The following ARPC1A variants were observed in gnomAD, a reference collection of about 807,000 sequenced individuals.
The protein encoded by ARPC1A is actin-related protein 2/3 complex subunit 1A.
Under a neutral mutation model 46.9 loss-of-function variants are expected in ARPC1A, and 8 were observed. The observed-to-expected ratio is 0.17, with a 90% CI of 0.10 to 0.31. ARPC1A has a LOEUF of 0.31. Ranked by LOEUF, ARPC1A falls within the 10% of genes least tolerant of loss-of-function variation. ARPC1A has a pLI of 1.00. For synonymous variants in ARPC1A, 152 were observed against 169.0 expected (o/e 0.90, Z 0.78); for missense variants, 286 against 483.6 (o/e 0.59, Z 3.83).
intron 3 of ARPC1A, among the ~76,000 whole-genome samples, chr7:99,338,912 G>A (rs17161680): frequency 0.021 from 3,150 of 152,156 alleles, 109 homozygotes; most frequent in African/African-American, 0.069. Flanking sequence ...ACACGAAAAC[G>A]TGCGCCAAAC....
At chr7:99,342,957 C>T (rs1220471672) in intron 3 of ARPC1A, among the ~76,000 whole-genome samples, 1 of 151,878 alleles carries the variant, frequency 6.6e-6, no homozygotes, top group Admixed American at 6.6e-5. Context: ...CTCCTAACCT[C>T]GTGATCCGCC....
intron 3 of ARPC1A, among the ~76,000 whole-genome samples, chr7:99,343,160 A>G (rs1227712262): frequency 2.0e-5 from 3 of 152,136 alleles, no homozygotes; most frequent in African/African-American, 4.8e-5. Flanking sequence ...ATGTGAAATT[A>G]TATTTATAGA....
intron 8 of ARPC1A, among the ~76,000 whole-genome samples, chr7:99,362,800 T>G (rs1296943821): frequency 6.6e-6 from 1 of 152,042 alleles, no homozygotes; most frequent in African/African-American, 2.4e-5. Flanking sequence ...TGGATGATTG[T>G]CTTGAAAGCT....
chr7:99,325,956 A>G lies in ARPC1A; in HGVS notation c.-78A>G, dbSNP rs1044407621. The G allele has an allele frequency of 6.6e-6, 1 of 152,498 alleles. No homozygotes were observed. Among genetic ancestry groups the G allele is most frequent in the South Asian group, 2.1e-4 (1 of 4,834 alleles). The allele number at this position is 152,498 out of a possible 1,614,324, so 9.4% of individuals were successfully genotyped here. A position where few individuals can be genotyped will look rare whatever the true frequency, so the allele number is the denominator to read the frequency against. On this transcript the variant is annotated 5_prime_UTR_variant, in exon 1 of 10. Coordinates refer to ENST00000262942, the MANE Select transcript of ARPC1A (RefSeq NM_006409.4). ...GAGCCTGTTCGCGTCGACTGCCCAG[A>G]GTCCGCGAATCCTCCGCTCCGAGCC...
At chr7:99,356,854 T>C (rs1418433167) in intron 6 of ARPC1A, among the ~76,000 whole-genome samples, 2 of 151,800 alleles carry the variant, frequency 1.3e-5, no homozygotes, top group African/African-American at 4.8e-5. Flanking sequence ...GAGCCGAGAT[T>C]GCGCCACTGC....
In ARPC1A at chr7:99,366,124, T is replaced by C. The variant is rs1793837050; in HGVS notation, c.*195T>C. ...GGCAGTAATTTTTTTGTTTGTTTTT[T>C]TGCGATTTCATTCCATTCTTGACCA... On this transcript the variant is annotated 3_prime_UTR_variant, in exon 10 of 10. Coordinates refer to ENST00000262942, the MANE Select transcript of ARPC1A (RefSeq NM_006409.4). 2 of 656,092 alleles carry C rather than the reference T, an allele frequency of 3.0e-6. No individual in the cohort carries two copies. Among genetic ancestry groups the C allele is most frequent in the Admixed American group, 3.1e-5 (1 of 31,810 alleles). 40.6% of individuals were successfully genotyped at this position (656,092 alleles called of 1,614,324 possible).
At chr7:99,327,031 G>A (rs1318871495) in intron 1 of ARPC1A, among the ~76,000 whole-genome samples, 1 of 152,146 alleles carries the variant, frequency 6.6e-6, no homozygotes, top group Non-Finnish European at 1.5e-5. Flanking sequence ...AGCTTAAATT[G>A]CCGAGATTAT....
chr7:99,354,520 CAAAAAAAAAAAA>C (rs149604532), intron 6 of ARPC1A, among the ~76,000 whole-genome samples: 1 of 55,828 alleles, frequency 1.8e-5, no homozygotes, highest in Non-Finnish European at 4.2e-5. Flanking sequence ...GACTCCGTCT[CAAAAAAAAAAAA>C]AAAAAAAAAA....
At chr7:99,329,157 C>G (rs1449790935) in intron 1 of ARPC1A, among the ~76,000 whole-genome samples, 1 of 151,498 alleles carries the variant, frequency 6.6e-6, no homozygotes, top group South Asian at 2.1e-4. Flanking sequence ...AAAAATTGGC[C>G]GGGTGTGGTG....
rs1172071932 is a variant in ARPC1A, at chr7:99,344,920, C to CTTTT, written c.392+431_392+434dup. 1.6e-3 allele frequency among the ~76,000 whole-genome samples: 32 copies of CTTTT among 20,108 alleles called. 8 individuals carry two copies. The highest frequency in any genetic ancestry group is 2.6e-3 in the African/African-American group (12 of 4,574). The allele number at this position is 20,108 out of a possible 152,430, so 13.2% of individuals were successfully genotyped here. A position where few individuals can be genotyped will look rare whatever the true frequency, so the allele number is the denominator to read the frequency against. ...TAGGATTCCTACAGATAACAATGTTCTTTTTTTTTTTTTTTTTTTTTTTTT... is the reference window on the plus strand; with the variant it reads ...TAGGATTCCTACAGATAACAATGTTCTTTTTTTTTTTTTTTTTTTTTTTTTTTTT... On this transcript the variant is annotated intron_variant, in intron 4 of 9. Coordinates refer to ENST00000262942, the MANE Select transcript of ARPC1A (RefSeq NM_006409.4).
At chr7:99,353,796 T>TA in intron 5 of ARPC1A, 113 bp from the exon 6 acceptor site, 1 of 1,076,864 alleles carries the variant, frequency 9.3e-7, no homozygotes, top group Non-Finnish European at 1.3e-6. Context: ...TATTTTTTTT[T>TA]AATGAGTCAA....
chr7:99,350,299 A>C (rs1378351019), intron 5 of ARPC1A, among the ~76,000 whole-genome samples: 2 of 152,156 alleles, frequency 1.3e-5, no homozygotes. Context: ...CTTTCTTGAC[A>C]ACAGTATTTT....
chr7:99,340,267 A>G (rs1270160719), intron 3 of ARPC1A, among the ~76,000 whole-genome samples: 1 of 151,960 alleles, frequency 6.6e-6, no homozygotes, highest in Non-Finnish European at 1.5e-5. Context: ...GGTTCAAGCA[A>G]TTCTCCCGCC....
At chr7:99,347,754 G>A (rs1474015880) in intron 4 of ARPC1A, among the ~76,000 whole-genome samples, 6 of 151,340 alleles carry the variant, frequency 4.0e-5, no homozygotes, top group African/African-American at 1.5e-4. Context: ...GCTTGACCCC[G>A]GGAGGTGGAG....
intron 8 of ARPC1A, among the ~76,000 whole-genome samples, chr7:99,363,304 G>C (rs1210314213): frequency 6.6e-6 from 1 of 152,210 alleles, no homozygotes; most frequent in East Asian, 1.9e-4. Context: ...TCCTGGTGGA[G>C]CGTGGTGGCT....
chr7:99,328,962 CAGAG>C (rs563805964), intron 1 of ARPC1A, among the ~76,000 whole-genome samples: 6 of 143,344 alleles, frequency 4.2e-5, no homozygotes, highest in Admixed American at 1.4e-4. Flanking sequence ...GAAAAAAACT[CAGAG>C]AGAGAGAAAA....
chr7:99,354,714 G>A (rs973637260), intron 6 of ARPC1A, among the ~76,000 whole-genome samples: 1 of 151,896 alleles, frequency 6.6e-6, no homozygotes, highest in Non-Finnish European at 1.5e-5. Flanking sequence ...GCTGGGCACA[G>A]TGGCTCACAC....
At chr7:99,331,250 C>T (rs1358960063) in intron 1 of ARPC1A, among the ~76,000 whole-genome samples, 1 of 151,988 alleles carries the variant, frequency 6.6e-6, no homozygotes, top group Non-Finnish European at 1.5e-5. Flanking sequence ...CAAAAATTAC[C>T]TGGGCTTGGT....
intron 1 of ARPC1A, among the ~76,000 whole-genome samples, chr7:99,331,042 CTT>C (rs1191848928): frequency 6.6e-6 from 1 of 152,236 alleles, no homozygotes; most frequent in African/African-American, 2.4e-5. Context: ...CCTACATACT[CTT>C]TGCCTAGATT....
Sources: allele counts gnomAD v4.1 joint callset (sites outside exome capture counted in the v4.1 genomes callset), GRCh38; gene constraint gnomAD v4.1.1; transcripts MANE v1.5; gene names NCBI Gene and HGNC (gene_info 2026-07-23, HGNC 2026-07-21).